The following ESRRG variants were observed in gnomAD, a reference collection of about 807,000 sequenced individuals.
ESRRG encodes the protein estrogen related receptor gamma.
ESRRG carries 13 observed loss-of-function variants against 44.0 expected under a neutral mutation model. The ratio of observed to expected loss-of-function variants is 0.30; its 90% CI spans 0.19 to 0.47. The LOEUF (loss-of-function observed/expected upper bound fraction) is 0.47, where lower values mean the gene tolerates loss of function less well. Among genes scored for constraint, ESRRG ranks in the 20% least tolerant of loss-of-function variants. The pLI, the probability that ESRRG is intolerant of heterozygous loss-of-function variation, is 1.00. For synonymous variants in ESRRG, 215 were observed against 214.6 expected, an observed-to-expected ratio of 1.00 and a Z score of -0.02; for missense variants, 395 against 580.6, an observed-to-expected ratio of 0.68 and a Z score of 3.29.
intron 1 of ESRRG, among the ~76,000 whole-genome samples, chr1:217,071,019 T>C (rs1267841503): frequency 2.6e-5 from 4 of 152,210 alleles, no homozygotes; most frequent in Non-Finnish European, 4.4e-5. Context: ...CTCCACTTTC[T>C]CTTCTTCCTC....
chr1:217,049,188 A>C (rs530392198), intron 1 of ESRRG, among the ~76,000 whole-genome samples: 1 of 152,300 alleles, frequency 6.6e-6, no homozygotes, highest in East Asian at 1.9e-4. Flanking sequence ...TTTCTTTCTT[A>C]GATAAGCCTT....
At chr1:216,544,531 A>G (rs547707919) in intron 5 of ESRRG, among the ~76,000 whole-genome samples, 5 of 152,028 alleles carry the variant, frequency 3.3e-5, no homozygotes, top group Non-Finnish European at 7.4e-5. Context: ...TTGGTGCTTA[A>G]TCTGCGTTTC....
chr1:216,521,419 C>A (rs1221805629), intron 5 of ESRRG, among the ~76,000 whole-genome samples: 1 of 151,310 alleles, frequency 6.6e-6, no homozygotes, highest in Admixed American at 6.6e-5. Context: ...AGAAAACATA[C>A]TAAGTAAGAA....
chr1:217,042,667 C>A (rs1338356647), intron 1 of ESRRG, among the ~76,000 whole-genome samples: 1 of 151,866 alleles, frequency 6.6e-6, no homozygotes, highest in Non-Finnish European at 1.5e-5. Context: ...AAACAAGGAA[C>A]TTTGAAGATG....
At chr1:216,628,163 C>T (rs2063508259) in intron 3 of ESRRG, among the ~76,000 whole-genome samples, 1 of 152,150 alleles carries the variant, frequency 6.6e-6, no homozygotes, top group Non-Finnish European at 1.5e-5. Flanking sequence ...AATATTAATT[C>T]ATGTCCTTTC....
chr1:217,042,372 C>T (rs1171227152), intron 1 of ESRRG, among the ~76,000 whole-genome samples: 1 of 151,898 alleles, frequency 6.6e-6, no homozygotes, highest in Non-Finnish European at 1.5e-5. Flanking sequence ...GAATGGAGAG[C>T]ACTGCAGTGT....
intron 1 of ESRRG, among the ~76,000 whole-genome samples, chr1:217,133,657 TTCTTTCTTTCTTTC>T (rs1580661681): frequency 3.4e-5 from 2 of 59,064 alleles, no homozygotes; most frequent in East Asian, 8.9e-4. Flanking sequence ...CTTTCTTTCT[TTCTTTCTTTCTTTC>T]TTTCTTTCTT....
At chr1:216,847,075 A>T (rs556158165) in intron 2 of ESRRG, among the ~76,000 whole-genome samples, 17 of 152,040 alleles carry the variant, frequency 1.1e-4, no homozygotes, top group Non-Finnish European at 2.2e-4. Flanking sequence ...TTAGTGTAAA[A>T]TGAGTAAGAT....
chr1:216,837,706 C>T (rs1270879325), intron 2 of ESRRG, among the ~76,000 whole-genome samples: 1 of 152,124 alleles, frequency 6.6e-6, no homozygotes, highest in Non-Finnish European at 1.5e-5. Flanking sequence ...GAGCCACGAA[C>T]CTTGACCACA....
At chr1:216,781,710 G>A (rs1433470373) in intron 2 of ESRRG, among the ~76,000 whole-genome samples, 6 of 151,940 alleles carry the variant, frequency 3.9e-5, no homozygotes, top group African/African-American at 1.4e-4. Context: ...GTCTCCTTTC[G>A]TGGTTACCTC....
At chr1:216,876,155 A>G (rs996372851) in intron 2 of ESRRG, among the ~76,000 whole-genome samples, 1 of 152,202 alleles carries the variant, frequency 6.6e-6, no homozygotes, top group African/African-American at 2.4e-5. Context: ...GAACAGTACA[A>G]TCTTGGATTA....
In ESRRG at chr1:216,899,529, G is replaced by A. The variant is rs944222129; in HGVS notation, c.-14+40053C>T. 9.2e-5 allele frequency among the ~76,000 whole-genome samples: 14 copies of A among 152,138 alleles called. No individual in the cohort carries two copies. In the East Asian group the frequency reaches 2.7e-3, roughly 29 times the overall value. ...TTTTGCAATCCTAGGACGCTTAGGA[G>A]ATCATTTTGAAATTTCCCCTGGAAC... is the stretch of plus-strand genomic sequence containing the variant. On this transcript the variant is annotated intron_variant, in intron 2 of 7. Coordinates refer to the ESRRG transcript ENST00000359162.
chr1:217,059,038 T>C (rs1202603471), intron 1 of ESRRG, among the ~76,000 whole-genome samples: 1 of 148,402 alleles, frequency 6.7e-6, no homozygotes, highest in African/African-American at 2.4e-5. Context: ...TTATAGCATA[T>C]TATAGAATAA....
At chr1:216,526,382 A>T (rs1171741250) in intron 5 of ESRRG, among the ~76,000 whole-genome samples, 7 of 152,132 alleles carry the variant, frequency 4.6e-5, no homozygotes, top group African/African-American at 1.7e-4. Context: ...GGACACAGAG[A>T]TGGACGTGTG....
intron 3 of ESRRG, among the ~76,000 whole-genome samples, chr1:216,644,688 T>C (rs1498280): frequency 0.82 from 124,540 of 152,072 alleles, 51,210 homozygotes; most frequent in African/African-American, 0.86. Flanking sequence ...CCTCCCACCT[T>C]GGCCTCCCAA....
intron 1 of ESRRG, among the ~76,000 whole-genome samples, chr1:216,697,771 C>T (rs893330105): frequency 6.6e-6 from 1 of 152,140 alleles, no homozygotes; most frequent in African/African-American, 2.4e-5. Context: ...AATGTGGAGA[C>T]AACTTCTAAA....
intron 1 of ESRRG, chr1:216,686,266 C>T (rs2077929224): frequency 6.6e-6 from 1 of 151,910 alleles, no homozygotes; most frequent in Non-Finnish European, 1.5e-5. Flanking sequence ...CCTCCTCTAT[C>T]CTCTTTTTAA....
At chr1:216,803,763 A>G (rs1295092964) in intron 2 of ESRRG, among the ~76,000 whole-genome samples, 1 of 151,646 alleles carries the variant, frequency 6.6e-6, no homozygotes, top group East Asian at 1.9e-4. Context: ...TTCCTACTTT[A>G]TGTCTTTTTT....
At chr1:216,877,071 G>T (rs1049635783) in intron 2 of ESRRG, among the ~76,000 whole-genome samples, 2 of 151,192 alleles carry the variant, frequency 1.3e-5, no homozygotes, top group African/African-American at 4.9e-5. Context: ...AACAATATTT[G>T]CCCTAATGAA....
Sources: allele counts gnomAD v4.1 joint callset (sites outside exome capture counted in the v4.1 genomes callset), GRCh38; gene constraint gnomAD v4.1.1; transcripts MANE v1.5; gene names NCBI Gene and HGNC (gene_info 2026-07-23, HGNC 2026-07-21).